The following NR3C2 variants were observed in gnomAD, a reference collection of about 807,000 sequenced individuals.
The protein encoded by NR3C2 is nuclear receptor subfamily 3 group C member 2.
A neutral mutation model predicts 86.4 loss-of-function variants in NR3C2; 15 were observed. The ratio of observed to expected loss-of-function variants is 0.17; its 90% confidence interval spans 0.12 to 0.27. The LOEUF (loss-of-function observed/expected upper bound fraction) is 0.27. Ranked by LOEUF, NR3C2 falls within the 10% of genes least tolerant of loss-of-function variation. The probability of loss-of-function intolerance (pLI) is 1.00; values close to 1 mark genes in which losing one functional copy is unlikely to be tolerated. For synonymous variants in NR3C2, 458 were observed against 450.5 expected (o/e 1.02, Z -0.21); for missense variants, 960 against 1,195.6 (o/e 0.80, Z 2.91).
chr4:148,191,841 GT>G (rs1736211114), intron 4 of NR3C2, among the ~76,000 whole-genome samples: 1 of 152,024 alleles, frequency 6.6e-6, no homozygotes, highest in South Asian at 2.1e-4. Context: ...ATTTTTGATT[GT>G]TTTTTTCTTT....
chr4:148,245,545 T>G (rs559545779), intron 3 of NR3C2, among the ~76,000 whole-genome samples: 29 of 152,340 alleles, frequency 1.9e-4, no homozygotes, highest in Admixed American at 7.2e-4. Context: ...AATGTCCATT[T>G]TGGTGCGAGA....
chr4:148,137,924 T>C (rs1465159624), intron 6 of NR3C2, among the ~76,000 whole-genome samples: 2 of 152,208 alleles, frequency 1.3e-5, no homozygotes, highest in East Asian at 3.8e-4. Flanking sequence ...TTCATAAAAA[T>C]ATTCATGTTT....
At chr4:148,120,798 C>T (rs1242296896) in intron 6 of NR3C2, among the ~76,000 whole-genome samples, 1 of 152,138 alleles carries the variant, frequency 6.6e-6, no homozygotes, top group Non-Finnish European at 1.5e-5. Flanking sequence ...TTTACAGCAA[C>T]ATGTTTTAAA....
intron 2 of NR3C2, among the ~76,000 whole-genome samples, chr4:148,420,300 C>G (rs1489242646): frequency 1.3e-5 from 2 of 152,146 alleles, no homozygotes; most frequent in African/African-American, 4.8e-5. Context: ...TCTAACCAAG[C>G]CTGAGGTGTA....
intron 8 of NR3C2, among the ~76,000 whole-genome samples, chr4:148,087,038 C>G (rs1385471476): frequency 4.6e-5 from 7 of 152,114 alleles, no homozygotes; most frequent in Admixed American, 3.9e-4. Flanking sequence ...TCATCTCAGC[C>G]CAAAATCTTA....
chr4:148,261,311 T>C (rs1046060936), intron 2 of NR3C2, among the ~76,000 whole-genome samples: 3 of 151,176 alleles, frequency 2.0e-5, no homozygotes, highest in Non-Finnish European at 4.4e-5. Context: ...TGGTGCGCTA[T>C]GGTAAGCGCT....
chr4:148,240,508 G>C (rs923618902), intron 3 of NR3C2, among the ~76,000 whole-genome samples: 1 of 152,078 alleles, frequency 6.6e-6, no homozygotes, highest in Admixed American at 6.5e-5. Flanking sequence ...AGCCAGCCTA[G>C]ATTAAGGGGA....
chr4:148,411,280 C>T (rs923780841), intron 2 of NR3C2, among the ~76,000 whole-genome samples: 1 of 151,960 alleles, frequency 6.6e-6, no homozygotes, highest in Admixed American at 6.6e-5. Context: ...GGAAAAATTT[C>T]GAATACAGAA....
At chr4:148,155,496 G>C (rs1010683710) in intron 4 of NR3C2, among the ~76,000 whole-genome samples, 1 of 152,068 alleles carries the variant, frequency 6.6e-6, no homozygotes, top group African/African-American at 2.4e-5. Flanking sequence ...CAAATCATGA[G>C]TGAACTCCCA....
chr4:148,202,318 C>T (rs1736765780), intron 3 of NR3C2, among the ~76,000 whole-genome samples: 1 of 152,210 alleles, frequency 6.6e-6, no homozygotes, highest in Non-Finnish European at 1.5e-5. Flanking sequence ...CATCACAGGC[C>T]TCTCTCCATC....
intron 6 of NR3C2, among the ~76,000 whole-genome samples, chr4:148,128,886 C>A (rs976195435): frequency 6.6e-6 from 1 of 152,212 alleles, no homozygotes; most frequent in African/African-American, 2.4e-5. Flanking sequence ...TAGCCCTTTG[C>A]AGAAAAACTG....
chr4:148,318,479 T>G (rs1743345771), intron 2 of NR3C2, among the ~76,000 whole-genome samples: 1 of 149,320 alleles, frequency 6.7e-6, no homozygotes, highest in Admixed American at 6.6e-5. Context: ...TGAACTAGTT[T>G]ACAGTCCCAC....
chr4:148,088,370 T>C (rs1057229897), intron 8 of NR3C2, among the ~76,000 whole-genome samples: 5 of 152,212 alleles, frequency 3.3e-5, no homozygotes, highest in African/African-American at 9.6e-5. Flanking sequence ...ACTGGGTATA[T>C]ACCCAAAGGA....
chr4:148,349,580 C>CACTTCCTGGACTG (rs376417879), intron 2 of NR3C2, among the ~76,000 whole-genome samples: 229 of 152,168 alleles, frequency 1.5e-3, no homozygotes, highest in African/African-American at 5.2e-3. Flanking sequence ...CCTGGACTGA[C>CACTTCCTGGACTG]GACTAAGCAA....
At chr4:148,147,162 G>T (rs976632673) in intron 6 of NR3C2, among the ~76,000 whole-genome samples, 2 of 152,168 alleles carry the variant, frequency 1.3e-5, no homozygotes, top group African/African-American at 4.8e-5. Flanking sequence ...TCACCCCAAT[G>T]TTTAGTAAAA....
At chr4:148,410,583 A>G (rs1412488916) in intron 2 of NR3C2, among the ~76,000 whole-genome samples, 1 of 152,206 alleles carries the variant, frequency 6.6e-6, no homozygotes, top group Non-Finnish European at 1.5e-5. Flanking sequence ...TACAGAAATA[A>G]AATTAAAATA....
At chr4:148,443,222 CAAA>C (rs59506438), upstream of NR3C2, among the ~76,000 whole-genome samples, 559 of 40,796 alleles carry the variant, frequency 0.014, no homozygotes, top group Middle Eastern at 0.052. Flanking sequence ...CCCCTAACAC[CAAA>C]AAAAAAAAAA....
intron 2 of NR3C2, among the ~76,000 whole-genome samples, chr4:148,274,928 C>T (rs1381805027): frequency 1.3e-5 from 2 of 151,990 alleles, no homozygotes; most frequent in African/African-American, 4.8e-5. Flanking sequence ...GAACTCCTGA[C>T]CTCAGGTGAT....
chr4:148,272,457 C>A (rs1052759893), intron 2 of NR3C2, among the ~76,000 whole-genome samples: 1 of 152,040 alleles, frequency 6.6e-6, no homozygotes, highest in Non-Finnish European at 1.5e-5. Context: ...TTATTTAAGC[C>A]TGTGGTGTGT....
Sources: allele counts gnomAD v4.1 joint callset (sites outside exome capture counted in the v4.1 genomes callset), GRCh38; gene constraint gnomAD v4.1.1; transcripts MANE v1.5; gene names NCBI Gene and HGNC (gene_info 2026-07-23, HGNC 2026-07-21).